The following COG5 variants were observed in gnomAD, a reference collection of about 807,000 sequenced individuals.
COG5 encodes the protein component of oligomeric golgi complex 5.
In COG5, 86 loss-of-function variants were observed where a neutral mutation model predicts 110.4. The ratio of observed to expected loss-of-function variants is 0.78; its 90% CI spans 0.65 to 0.93. The LOEUF (loss-of-function observed/expected upper bound fraction) is 0.93, where lower values mean the gene tolerates loss of function less well. Among genes scored for constraint, COG5 ranks in the 40% least tolerant of loss-of-function variants. The pLI is 0.00. For missense variants in COG5, 1,077 were observed against 987.0 expected, an observed-to-expected ratio of 1.09 and a Z score of -1.22; for synonymous variants, 360 against 334.6, an observed-to-expected ratio of 1.08 and a Z score of -0.83.
At position 107,558,044 on chromosome 7, in the gene COG5, C is replaced by T. The variant is rs1003121441; in HGVS notation, c.166G>A (p.Val56Ile). The change falls in exon 2 of 22, where the codon GTA (valine) becomes ATA (isoleucine). Residue 56 changes from valine to isoleucine, a missense_variant. Transcript: ENST00000297135. ...TYTSQSIHQA[V>I]IAEQLAKLAQ... ...AGTTTTGCTAGTTGTTCAGCAATTA[C>T]AGCTTGATGAATAGATTGAGAAGTA... The T allele has an allele frequency of 1.2e-6, 2 of 1,613,674 alleles. No homozygotes were observed. Among genetic ancestry groups the T allele is most frequent in the Non-Finnish European group, 1.7e-6 (2 of 1,179,788 alleles).
At chr7:107,507,471 T>G (rs1199855183) in intron 6 of COG5, among the ~76,000 whole-genome samples, 1 of 68,266 alleles carries the variant, frequency 1.5e-5, no homozygotes, top group East Asian at 4.6e-4. Flanking sequence ...TTTTTTGTAT[T>G]TTTTTTTTTT....
intron 12 of COG5, among the ~76,000 whole-genome samples, chr7:107,286,756 CTTA>C (rs1805667769): frequency 6.6e-6 from 1 of 151,988 alleles, no homozygotes; most frequent in African/African-American, 2.4e-5. Context: ...CTGTGACTTT[CTTA>C]TTATTTCAAT....
intron 6 of COG5, among the ~76,000 whole-genome samples, chr7:107,431,251 A>G (rs1482508542): frequency 1.3e-5 from 2 of 152,250 alleles, no homozygotes; most frequent in African/African-American, 4.8e-5. Flanking sequence ...ACATAACAAC[A>G]GAGTTTGATA....
At chr7:107,429,555 G>A (rs1405660388) in intron 6 of COG5, among the ~76,000 whole-genome samples, 1 of 151,868 alleles carries the variant, frequency 6.6e-6, no homozygotes, top group South Asian at 2.1e-4. Flanking sequence ...AACCTCCAGA[G>A]TAGCAGGGAC....
At chr7:107,408,093 ACAAT>A (rs1791995848) in intron 7 of COG5, among the ~76,000 whole-genome samples, 1 of 152,254 alleles carries the variant, frequency 6.6e-6, no homozygotes, top group South Asian at 2.1e-4. Context: ...GAATACAGAA[ACAAT>A]CAGAGTAGAA....
chr7:107,463,670 G>T (rs986994), intron 6 of COG5, among the ~76,000 whole-genome samples: 37,639 of 152,050 alleles, frequency 0.25, 5,060 homozygotes, highest in East Asian at 0.33. Context: ...ACAGACCAAG[G>T]AATTTAACAT....
At position 107,486,659 on chromosome 7, in the gene COG5, G is replaced by C. The variant is rs369379485; in HGVS notation, c.538+40578C>G. 6.8e-4 allele frequency among the ~76,000 whole-genome samples: 103 copies of C among 152,048 alleles called. 1 individual carries two copies. The highest frequency in any genetic ancestry group is 1.1e-3 in the Non-Finnish European group (77 of 67,970). ...AATGCAACAAAAACCATAATCCCAG[G>C]ATTTAAAAAAGGAAAATAGACAAAC... is the stretch of plus-strand genomic sequence containing the variant. On this transcript the variant is annotated intron_variant, in intron 6 of 21. Coordinates refer to ENST00000297135, the MANE Select transcript of COG5 (RefSeq NM_006348.5).
At chr7:107,330,618 T>G (rs1302759958) in intron 10 of COG5, among the ~76,000 whole-genome samples, 1 of 152,152 alleles carries the variant, frequency 6.6e-6, no homozygotes, top group Non-Finnish European at 1.5e-5. Context: ...TCATGCTAAC[T>G]TTATTGTGCT....
intron 6 of COG5, among the ~76,000 whole-genome samples, chr7:107,462,693 T>C (rs1009298020): frequency 2.0e-5 from 3 of 151,084 alleles, no homozygotes; most frequent in Non-Finnish European, 2.9e-5. Context: ...GGGACACTGA[T>C]TGAAGTCCCT....
At chr7:107,559,336 T>C (rs187237219) in intron 1 of COG5, among the ~76,000 whole-genome samples, 4 of 152,320 alleles carry the variant, frequency 2.6e-5, no homozygotes, top group Admixed American at 1.3e-4. Flanking sequence ...AGGGAGCTCA[T>C]GGTAACCATG....
intron 19 of COG5, among the ~76,000 whole-genome samples, chr7:107,221,057 T>C (rs1479999043): frequency 6.6e-6 from 1 of 152,050 alleles, no homozygotes; most frequent in East Asian, 1.9e-4. Context: ...CCTCAAGTGA[T>C]CTGTGTGCCT....
intron 1 of COG5, among the ~76,000 whole-genome samples, chr7:107,558,474 G>A (rs919399401): frequency 6.6e-6 from 1 of 152,002 alleles, no homozygotes; most frequent in African/African-American, 2.4e-5. Flanking sequence ...CATCATGGCG[G>A]GTGCCTGTAA....
intron 6 of COG5, among the ~76,000 whole-genome samples, chr7:107,467,207 C>G (rs1309883057): frequency 2.0e-5 from 3 of 152,118 alleles, no homozygotes; most frequent in African/African-American, 7.2e-5. Flanking sequence ...GGGTTAGAAT[C>G]ATATCTAGTG....
At chr7:107,467,050 C>T (rs539934218) in intron 6 of COG5, among the ~76,000 whole-genome samples, 5 of 152,108 alleles carry the variant, frequency 3.3e-5, no homozygotes, top group East Asian at 1.9e-4. Flanking sequence ...GTCATAGTCA[C>T]GGTTGTCAAA....
chr7:107,336,657 A>G (rs1810724105), intron 10 of COG5, among the ~76,000 whole-genome samples: 1 of 152,230 alleles, frequency 6.6e-6, no homozygotes, highest in Non-Finnish European at 1.5e-5. Context: ...AAATATGTAT[A>G]TCTATTACAA....
chr7:107,387,568 C>T (rs1245833602), intron 7 of COG5, among the ~76,000 whole-genome samples: 2 of 152,252 alleles, frequency 1.3e-5, no homozygotes, highest in African/African-American at 4.8e-5. Context: ...ACTGTTCTCT[C>T]TCTTACCCCT....
intron 16 of COG5, chr7:107,252,973 T>C (rs1004264841): frequency 6.6e-6 from 1 of 152,160 alleles, no homozygotes; most frequent in African/African-American, 2.4e-5. Flanking sequence ...CTATAGCTAA[T>C]ACTATACTTA....
intron 6 of COG5, among the ~76,000 whole-genome samples, chr7:107,416,121 C>G (rs1480476514): frequency 6.6e-6 from 1 of 151,364 alleles, no homozygotes; most frequent in Non-Finnish European, 1.5e-5. Context: ...TGTGTATGCC[C>G]CATGACTAAA....
chr7:107,474,072 T>C lies in COG5; in HGVS notation c.538+53165A>G. 6.4e-7 allele frequency: 1 copy of C among 1,555,612 alleles called. No homozygotes were observed. Among genetic ancestry groups the C allele is most frequent in the South Asian group, 1.2e-5 (1 of 83,230 alleles). ...ACTGCTCCAAAAGAATGTGTTTTTC[T>C]CCCATTCTGGAAATCAACATGCAGT... On this transcript the variant is annotated intron_variant, in intron 6 of 21. Coordinates refer to ENST00000297135, the MANE Select transcript of COG5 (RefSeq NM_006348.5). This position sits in a 1 kb window ranked among gnomAD's most constrained non-coding sequence, Gnocchi z 5.7.
Sources: gnomAD v4.1 joint callset for allele counts (sites outside exome capture counted in the v4.1 genomes callset) on GRCh38, gnomAD v4.1.1 for gene constraint, Gnocchi (gnomAD v3.1) non-coding constraint, MANE v1.5 for transcripts, NCBI Gene and HGNC (gene_info 2026-07-23, HGNC 2026-07-21) for gene names.